The following SLC24A3 variants were observed in gnomAD, a reference collection of about 807,000 sequenced individuals.
The protein encoded by SLC24A3 is solute carrier family 24 member 3, also known as sodium/potassium/calcium exchanger 3.
In SLC24A3, 28 loss-of-function variants were observed where a neutral mutation model predicts 75.8. The observed-to-expected ratio is 0.37, with a 90% CI of 0.27 to 0.51. SLC24A3 has a LOEUF of 0.51. SLC24A3 is among the 20% of genes least tolerant of loss of function. The pLI, the probability that SLC24A3 is intolerant of heterozygous loss-of-function variation, is 0.94. For missense variants in SLC24A3, 663 were observed against 847.8 expected, an observed-to-expected ratio of 0.78 and a Z score of 2.71; for synonymous variants, 372 against 334.1, an observed-to-expected ratio of 1.11 and a Z score of -1.24.
intron 6 of SLC24A3, among the ~76,000 whole-genome samples, chr20:19,594,717 T>G (rs1454846959): frequency 6.6e-6 from 1 of 151,956 alleles, no homozygotes; most frequent in African/African-American, 2.4e-5. Flanking sequence ...GATGGATGGA[T>G]AGATGGAGAG....
intron 2 of SLC24A3, among the ~76,000 whole-genome samples, chr20:19,299,491 T>A (rs571926745): frequency 3.3e-5 from 5 of 152,208 alleles, no homozygotes; most frequent in South Asian, 2.1e-4. Context: ...CAAATTTTTT[T>A]AAAAAAGAGA....
At chr20:19,315,513 TG>T (rs34055058) in intron 2 of SLC24A3, among the ~76,000 whole-genome samples, 44,912 of 152,126 alleles carry the variant, frequency 0.3, 7,392 homozygotes, top group Middle Eastern at 0.51. Context: ...GAAAGCTAAG[TG>T]GGTTATATGG....
Position 19,475,914 on chromosome 20 carries a change from G to T in SLC24A3, c.272-39574G>T, listed in dbSNP as rs1450558275. On this transcript the variant is annotated intron_variant, in intron 2 of 16. Transcript: ENST00000328041. ...AACTACAGCATCAAACCAAACCAAT[G>T]AGTAGTGTGAAGGAGATAGCCCAGA... is the stretch of plus-strand genomic sequence containing the variant. Among the ~76,000 whole-genome samples the T allele has an allele frequency of 3.3e-5, 5 of 152,334 alleles. No individual in the cohort carries two copies. In the South Asian group the frequency reaches 1.0e-3, roughly 32 times the overall value.
At chr20:19,305,911 G>A (rs1984315024) in intron 2 of SLC24A3, among the ~76,000 whole-genome samples, 1 of 152,182 alleles carries the variant, frequency 6.6e-6, no homozygotes, top group Non-Finnish European at 1.5e-5. Context: ...CTTCTGCATA[G>A]CAAAATAAAC....
chr20:19,345,342 T>G (rs1163905804), intron 2 of SLC24A3, among the ~76,000 whole-genome samples: 1 of 152,226 alleles, frequency 6.6e-6, no homozygotes, highest in Non-Finnish European at 1.5e-5. Context: ...TGTTCTATAC[T>G]TTCAATGTAA....
At chr20:19,717,696 A>G (rs2033058618) in intron 16 of SLC24A3, 103 bp downstream of exon 16, 3 of 1,250,528 alleles carry the variant, frequency 2.4e-6, no homozygotes, top group African/African-American at 3.0e-5. Context: ...ACTGGGTACA[A>G]GCAACCTCCT....
chr20:19,224,408 G>A (rs1402850619), intron 1 of SLC24A3, among the ~76,000 whole-genome samples: 2 of 152,136 alleles, frequency 1.3e-5, no homozygotes, highest in African/African-American at 2.4e-5. Context: ...GCAATTTGGG[G>A]CAGGTCAGTC....
At position 19,371,520 on chromosome 20, in the gene SLC24A3, C is replaced by T. The variant is rs59459097; in HGVS notation, c.271+90433C>T. Among the ~76,000 whole-genome samples, 460 of 152,264 alleles carry T rather than the reference C, an allele frequency of 3.0e-3. 5 individuals are homozygous for T. Among genetic ancestry groups the T allele is most frequent in the African/African-American group, 0.01 (434 of 41,552 alleles). On this transcript the variant is annotated intron_variant, in intron 2 of 16. Coordinates refer to ENST00000328041, the MANE Select transcript of SLC24A3 (RefSeq NM_020689.4). ...GCCTGGGAACCAGTGGCTGGGAATA[C>T]GCAGTTAGTTTTCTAGCTAGTTCCT...
At chr20:19,517,916 A>G (rs1421443173) in intron 3 of SLC24A3, among the ~76,000 whole-genome samples, 1 of 152,186 alleles carries the variant, frequency 6.6e-6, no homozygotes, top group East Asian at 1.9e-4. Flanking sequence ...GCCATCCCCA[A>G]GGCCCAAGAT....
At chr20:19,480,315 G>A (rs906128750) in intron 2 of SLC24A3, among the ~76,000 whole-genome samples, 3 of 152,094 alleles carry the variant, frequency 2.0e-5, no homozygotes, top group Non-Finnish European at 4.4e-5. Context: ...TAGAGGAGAG[G>A]TTCTAATCAT....
At chr20:19,429,199 T>C (rs1239665366) in intron 2 of SLC24A3, among the ~76,000 whole-genome samples, 1 of 152,250 alleles carries the variant, frequency 6.6e-6, no homozygotes, top group African/African-American at 2.4e-5. Flanking sequence ...CACTGTTCAC[T>C]CAACCATCCT....
At chr20:19,213,324 A>G (rs1247214207) in intron 1 of SLC24A3, 1 of 166,530 alleles carries the variant, frequency 6.0e-6, no homozygotes, top group South Asian at 2.0e-4. Context: ...AAGGCCAGGG[A>G]TAAAGTTGTG....
At chr20:19,573,653 G>A (rs763231895) in intron 3 of SLC24A3, among the ~76,000 whole-genome samples, 4 of 152,222 alleles carry the variant, frequency 2.6e-5, no homozygotes, top group Admixed American at 2.0e-4. Context: ...GCATGTTGGT[G>A]TGTATCCTCA....
intron 1 of SLC24A3, among the ~76,000 whole-genome samples, chr20:19,278,708 T>G (rs947755029): frequency 1.3e-5 from 2 of 152,220 alleles, no homozygotes; most frequent in Non-Finnish European, 2.9e-5. Flanking sequence ...ATGTAGAATT[T>G]TGTATTTCAA....
intron 6 of SLC24A3, among the ~76,000 whole-genome samples, chr20:19,627,793 T>C (rs2031882963): frequency 1.3e-5 from 2 of 152,152 alleles, no homozygotes; most frequent in South Asian, 4.1e-4. Flanking sequence ...TGAACAAGTA[T>C]AAACACAGAG....
intron 2 of SLC24A3, among the ~76,000 whole-genome samples, chr20:19,368,520 C>A (rs1985937020): frequency 6.6e-6 from 1 of 152,200 alleles, no homozygotes; most frequent in Admixed American, 6.5e-5. Flanking sequence ...GCCCTCTATT[C>A]ATACTGTTGG....
intron 1 of SLC24A3, among the ~76,000 whole-genome samples, chr20:19,233,132 G>A (rs958257679): frequency 1.3e-5 from 2 of 152,184 alleles, no homozygotes; most frequent in African/African-American, 4.8e-5. Context: ...TGATAACAAA[G>A]CAAGAAGGAA....
At chr20:19,674,350 G>A (rs988601774) in intron 9 of SLC24A3, among the ~76,000 whole-genome samples, 1 of 152,210 alleles carries the variant, frequency 6.6e-6, no homozygotes, top group Non-Finnish European at 1.5e-5. Context: ...CAGCTTAACT[G>A]CAAGGTTCTG....
chr20:19,512,641 C>G (rs961318046), intron 2 of SLC24A3, among the ~76,000 whole-genome samples: 4 of 152,238 alleles, frequency 2.6e-5, no homozygotes, highest in Non-Finnish European at 5.9e-5. Flanking sequence ...CTTGGTGGAA[C>G]AGATGTGCTC....
Sources: gnomAD v4.1 joint callset for allele counts (sites outside exome capture counted in the v4.1 genomes callset) on GRCh38, gnomAD v4.1.1 for gene constraint, MANE v1.5 for transcripts, NCBI Gene and HGNC (gene_info 2026-07-23, HGNC 2026-07-21) for gene names.